Variants in C1QTNF1 observed in about 807,000 individuals in gnomAD.
C1QTNF1 encodes C1q and TNF related 1.
A neutral mutation model predicts 27.8 loss-of-function variants in C1QTNF1; 22 were observed. The observed-to-expected ratio is 0.79, with a 90% confidence interval of 0.56 to 1.13. C1QTNF1 has a LOEUF of 1.13. Ranked by LOEUF, C1QTNF1 falls within the 50% of genes most tolerant of loss-of-function variation. The pLI, the probability that C1QTNF1 is intolerant of heterozygous loss-of-function variation, is 0.00. For missense variants in C1QTNF1, 373 were observed against 380.2 expected, an observed-to-expected ratio of 0.98 and a Z score of 0.16; for synonymous variants, 166 against 154.3, an observed-to-expected ratio of 1.08 and a Z score of -0.56.
At chr17:79,034,006 A>G (rs983714316) in intron 1 of C1QTNF1, among the ~76,000 whole-genome samples, 3 of 152,080 alleles carry the variant, frequency 2.0e-5, no homozygotes, top group Non-Finnish European at 4.4e-5. Context: ...TATATTCCTG[A>G]CCTAGAAGCC....
chr17:79,032,124 G>A (rs902443129), intron 1 of C1QTNF1, among the ~76,000 whole-genome samples: 64 of 152,322 alleles, frequency 4.2e-4, no homozygotes, highest in African/African-American at 1.5e-3. Flanking sequence ...GGGGCTTGGA[G>A]TCTTGGGGAC....
intron 1 of C1QTNF1, among the ~76,000 whole-genome samples, chr17:79,026,419 G>C (rs2071962290): frequency 6.6e-6 from 1 of 152,170 alleles, no homozygotes; most frequent in South Asian, 2.1e-4. Flanking sequence ...CTTCCAAAGT[G>C]CTGGGATTAC....
At chr17:79,031,407 G>C (rs1268823732) in intron 1 of C1QTNF1, among the ~76,000 whole-genome samples, 2 of 151,982 alleles carry the variant, frequency 1.3e-5, no homozygotes, top group Non-Finnish European at 2.9e-5. Flanking sequence ...CAACCACCTT[G>C]TTTTTCTAGT....
At chr17:79,032,738 G>A (rs944111769) in intron 1 of C1QTNF1, among the ~76,000 whole-genome samples, 3 of 152,196 alleles carry the variant, frequency 2.0e-5, no homozygotes, top group African/African-American at 7.2e-5. Flanking sequence ...AAGGACGGGG[G>A]AGAAGGATAT....
At chr17:79,047,492 T>C (rs11077410) in intron 3 of C1QTNF1, 46 bp from the exon 4 acceptor site, 318,576 of 1,501,222 alleles carry the variant, frequency 0.21, 39,991 homozygotes, top group East Asian at 0.59. Context: ...CTCAGGACAC[T>C]ACCGGATTGC....
intron 1 of C1QTNF1, among the ~76,000 whole-genome samples, chr17:79,037,522 C>T (rs908757449): frequency 1.3e-5 from 2 of 152,176 alleles, no homozygotes; most frequent in African/African-American, 4.8e-5. Flanking sequence ...CCTCGGCCTC[C>T]TAAAGTGCTG....
At chr17:79,023,568 C>T (rs2071829662), upstream of C1QTNF1, among the ~76,000 whole-genome samples, 1 of 152,272 alleles carries the variant, frequency 6.6e-6, no homozygotes, top group Admixed American at 6.5e-5. Context: ...CCTGGGCTCA[C>T]CACTGTACTC....
At chr17:79,045,542 G>C (rs1334562756) in intron 2 of C1QTNF1, among the ~76,000 whole-genome samples, 2 of 152,220 alleles carry the variant, frequency 1.3e-5, no homozygotes, top group East Asian at 3.9e-4. Context: ...CCTGGGCTCA[G>C]TTCTGGAGGT....
chr17:79,045,211 G>T (rs1026987669), intron 2 of C1QTNF1, among the ~76,000 whole-genome samples: 3 of 152,156 alleles, frequency 2.0e-5, no homozygotes, highest in Non-Finnish European at 2.9e-5. Flanking sequence ...CTACCTGGTA[G>T]CCAGAATGGG....
rs112943501 is a variant in C1QTNF1 at position 79,047,581 on chromosome 17, T to C, written c.339T>C (p.Tyr113=). 1.3e-4 allele frequency: 197 copies of C among 1,539,858 alleles called. No homozygotes were observed. Among genetic ancestry groups the C allele is most frequent in the African/African-American group, 5.4e-4 (39 of 72,220 alleles). ...DRGDRGLQGK[Y]GKTGSAGARG... is the part of the protein sequence containing the mutation. Reference sequence around the variant, plus strand: ...GAGATCGAGGCCTCCAAGGGAAATATGGCAAAACAGGCTCAGCAGGGGCCA... The same window carrying C: ...GAGATCGAGGCCTCCAAGGGAAATACGGCAAAACAGGCTCAGCAGGGGCCA... Residue 113 remains tyrosine, a synonymous_variant, in exon 4 of 4, where the codon TAT becomes TAC. Coordinates refer to ENST00000579760, the MANE Select transcript of C1QTNF1 (RefSeq NM_030968.5).
At chr17:79,042,062 A>T in intron 1 of C1QTNF1, among the ~76,000 whole-genome samples, 1 of 152,202 alleles carries the variant, frequency 6.6e-6, no homozygotes, top group African/African-American at 2.4e-5. Flanking sequence ...GGCAGCCAGG[A>T]GTGAGGGACG....
At position 79,046,840 on chromosome 17, in the gene C1QTNF1, G is replaced by C. The variant is rs550842313; in HGVS notation, c.295+146G>C. On this transcript the variant is annotated intron_variant, in intron 3 of 3. Coordinates refer to ENST00000579760, the MANE Select transcript of C1QTNF1 (RefSeq NM_030968.5). The surrounding 1 kb of genome is among the most constrained non-coding windows in gnomAD (Gnocchi z 4.8). ...GCAGAGGCAGGCAGGCTGTCATCTA[G>C]AGGGGAAGGCACAGGAAATTCTGAT... is the stretch of plus-strand genomic sequence containing the variant. 14 of 1,076,562 alleles carry C rather than the reference G, an allele frequency of 1.3e-5. No individual in the cohort carries two copies. Among genetic ancestry groups the C allele is most frequent in the Non-Finnish European group, 3.9e-6 (3 of 760,330 alleles). 66.7% of individuals were successfully genotyped at this position (1,076,562 alleles called of 1,614,324 possible).
Position 79,030,055 on chromosome 17 carries a change from C to T in C1QTNF1, c.-15+5561C>T, listed in dbSNP as rs1599281486. 5.3e-5 allele frequency among the ~76,000 whole-genome samples: 8 copies of T among 152,130 alleles called. No individual in the cohort carries two copies. The East Asian group carries it at 1.5e-3, about 29-fold the overall frequency. Reference sequence around the variant, plus strand: ...GCCTCAAACGATGCAATATAACAAGCTCTCTTTTCTCCCCATCCTACTCTT... The same window carrying T: ...GCCTCAAACGATGCAATATAACAAGTTCTCTTTTCTCCCCATCCTACTCTT... On this transcript the variant is annotated intron_variant, in intron 1 of 3. Coordinates refer to ENST00000579760, the MANE Select transcript of C1QTNF1 (RefSeq NM_030968.5).
rs1180547421 is a variant in C1QTNF1 at position 79,047,713 on chromosome 17, C to G, written c.471C>G (p.His157Gln). 6.2e-7 allele frequency: 1 copy of G among 1,614,056 alleles called. No individual in the cohort carries two copies. The highest frequency in any genetic ancestry group is 1.3e-5 in the African/African-American group (1 of 74,918). The stretch of plus-strand genomic sequence containing the variant: ...CGGTGGGCCGGAAGAAGCCCATGCA[C>G]AGCAACCACTACTACCAGACGGTGA... ...AFSVGRKKPM[H>Q]SNHYYQTVIF... Residue 157 changes from histidine to glutamine, a missense_variant, in exon 4 of 4, where the codon CAC becomes CAG. By Grantham distance (24) the His-to-Gln change is conservative (BLOSUM62 0). Coordinates refer to ENST00000579760, the MANE Select transcript of C1QTNF1 (RefSeq NM_030968.5).
intron 1 of C1QTNF1, among the ~76,000 whole-genome samples, chr17:79,039,809 A>G (rs1388210683): frequency 2.3e-4 from 34 of 146,676 alleles, no homozygotes; most frequent in African/African-American, 9.3e-4. Flanking sequence ...ATATATATAT[A>G]TATGTAAATA....
At chr17:79,040,212 T>C (rs11870162) in intron 1 of C1QTNF1, among the ~76,000 whole-genome samples, 25,714 of 152,124 alleles carry the variant, frequency 0.17, 3,107 homozygotes, top group African/African-American at 0.34. Flanking sequence ...ATAATCCCAG[T>C]ACTTTGGGAG....
rs1357582589 is a variant in C1QTNF1, at chr17:79,047,553, G to A, written c.311G>A (p.Arg104His). Reference protein sequence around the residue: ...ITILKGEKGDRGDRGLQGKYG... With the variant: ...ITILKGEKGDHGDRGLQGKYG... Reference sequence around the variant, plus strand: ...TCCCTTTTAGGGGAGAAGGGTGACCGCGGAGATCGAGGCCTCCAAGGGAAA... The same window carrying A: ...TCCCTTTTAGGGGAGAAGGGTGACCACGGAGATCGAGGCCTCCAAGGGAAA... Residue 104 changes from arginine (R) to histidine (H), a missense_variant, in exon 4 of 4, where the codon CGC becomes CAC. Arg to His is a conservative substitution (Grantham distance 29, BLOSUM62 0). Transcript: ENST00000579760. 5.2e-6 allele frequency: 8 copies of A among 1,527,132 alleles called. No homozygotes were observed. The highest frequency in any genetic ancestry group is 1.3e-5 in the South Asian group (1 of 76,392). The allele number at this position is 1,527,132 out of a possible 1,614,324, so 94.6% of individuals were successfully genotyped here. A position where few individuals can be genotyped will look rare whatever the true frequency, so the allele number is the denominator to read the frequency against.
chr17:79,026,511 G>A (rs1044983285), intron 1 of C1QTNF1, among the ~76,000 whole-genome samples: 3 of 152,186 alleles, frequency 2.0e-5, no homozygotes, highest in Non-Finnish European at 2.9e-5. Context: ...CACTCAGCTC[G>A]CCAAGCTGAT....
chr17:79,029,155 A>C (rs1427786746), intron 1 of C1QTNF1, among the ~76,000 whole-genome samples: 2 of 152,206 alleles, frequency 1.3e-5, no homozygotes, highest in Non-Finnish European at 2.9e-5. Flanking sequence ...TCGAAGCCAA[A>C]GGCTGCTGCA....
Sources: gnomAD v4.1 joint callset for allele counts (sites outside exome capture counted in the v4.1 genomes callset) on GRCh38, gnomAD v4.1.1 for gene constraint, Gnocchi (gnomAD v3.1) non-coding constraint, MANE v1.5 for transcripts, NCBI Gene and HGNC (gene_info 2026-07-23, HGNC 2026-07-21) for gene names.